C20orf203: variants seen among roughly 807,000 people sequenced by gnomAD.
C20orf203 encodes the protein chromosome 20 open reading frame 203.
A neutral mutation model predicts 15.9 loss-of-function variants in C20orf203; 16 were observed. That is an observed-to-expected ratio of 1.01 (90% confidence interval 0.68 to 1.53). The LOEUF (loss-of-function observed/expected upper bound fraction) is 1.53, where lower values mean the gene tolerates loss of function less well. C20orf203 is among the 40% of genes most tolerant of loss of function. The pLI is 0.00. For synonymous variants in C20orf203, 98 were observed against 97.2 expected (o/e 1.01, Z -0.05); for missense variants, 263 against 247.5 (o/e 1.06, Z -0.42).
At chr20:32,652,851 C>T (rs1288275765) in intron 1 of C20orf203, among the ~76,000 whole-genome samples, 2 of 152,058 alleles carry the variant, frequency 1.3e-5, no homozygotes, top group Non-Finnish European at 2.9e-5. Flanking sequence ...CTGCTGGCCC[C>T]GATGTTGCAA....
In C20orf203 at chr20:32,650,297, T is replaced by G; in HGVS notation, c.*135A>C. 3.0e-6 allele frequency: 2 copies of G among 660,746 alleles called. No individual in the cohort carries two copies. Among genetic ancestry groups the G allele is most frequent in the Non-Finnish European group, 5.2e-6 (2 of 380,964 alleles). 40.9% of individuals were successfully genotyped at this position (660,746 alleles called of 1,614,324 possible). A position where few individuals can be genotyped will look rare whatever the true frequency, so the allele number is the denominator to read the frequency against. On this transcript the variant is annotated 3_prime_UTR_variant, in exon 4 of 6. Transcript: ENST00000608990. ...CCCAGAATCTCCTTGAGGTTTCAGC[T>G]GGGCGTGCCGGGCCCATCCCCCACT...
chr20:32,638,982 C>T (rs1479468803), intron 5 of C20orf203, among the ~76,000 whole-genome samples: 1 of 152,234 alleles, frequency 6.6e-6, no homozygotes, highest in Non-Finnish European at 1.5e-5. Flanking sequence ...CAACAAGTTC[C>T]AACAGGGAAA....
chr20:32,671,840 CAAA>C (rs869043468), intron 1 of C20orf203, among the ~76,000 whole-genome samples: 282 of 66,302 alleles, frequency 4.3e-3, no homozygotes, highest in African/African-American at 0.017. Flanking sequence ...ACTCTGTCTC[CAAA>C]AAAAAAAAAA....
chr20:32,664,715 G>A (rs1357279536), intron 1 of C20orf203, among the ~76,000 whole-genome samples: 1 of 152,150 alleles, frequency 6.6e-6, no homozygotes, highest in Admixed American at 6.5e-5. Flanking sequence ...GAGGCCACAC[G>A]CTGCCACCCA....
Position 32,662,928 on chromosome 20 carries a change from T to TAG in C20orf203, c.-264+10703_-264+10704insCT, listed in dbSNP as rs1555817817. On this transcript the variant is annotated intron_variant, in intron 1 of 5. Coordinates refer to ENST00000608990, the MANE Select transcript of C20orf203 (RefSeq NM_182584.4). ...AGAAAGGAACAGCTAGATATATATA[T>TAG]ATAGATAGATAGATATAAATATAGT... 8.6e-3 allele frequency among the ~76,000 whole-genome samples: 1,226 copies of TAG among 141,924 alleles called. 28 individuals are homozygous for TAG. Among genetic ancestry groups the TAG allele is most frequent in the African/African-American group, 0.031 (1,179 of 37,712 alleles). 93.1% of individuals were successfully genotyped at this position (141,924 alleles called of 152,430 possible).
rs1247843185 is a variant in C20orf203, at chr20:32,632,809, C to T, written c.*2761G>A. 2.6e-5 allele frequency: 4 copies of T among 152,104 alleles called. No homozygotes were observed. Among genetic ancestry groups the T allele is most frequent in the South Asian group, 2.1e-4 (1 of 4,820 alleles). 9.4% of individuals were successfully genotyped at this position (152,104 alleles called of 1,614,324 possible). A position where few individuals can be genotyped will look rare whatever the true frequency, so the allele number is the denominator to read the frequency against. On this transcript the variant is annotated 3_prime_UTR_variant, in exon 6 of 6. Transcript: ENST00000608990. The stretch of plus-strand genomic sequence containing the variant: ...GTTAGAGATGAGGAAACCAGGGTGA[C>T]GGGATTAGTCTGTTCTCACGCTGCT...
intron 1 of C20orf203, among the ~76,000 whole-genome samples, chr20:32,654,836 C>A (rs903086948): frequency 6.6e-6 from 1 of 152,012 alleles, no homozygotes; most frequent in African/African-American, 2.4e-5. Flanking sequence ...ACAGCAAGAT[C>A]CTTCCCCAAA....
At chr20:32,636,284 C>A (rs1045932877) in intron 5 of C20orf203, among the ~76,000 whole-genome samples, 2 of 152,206 alleles carry the variant, frequency 1.3e-5, no homozygotes, top group East Asian at 3.9e-4. Context: ...AATGAACACC[C>A]TTCGCTTAGA....
intron 4 of C20orf203, among the ~76,000 whole-genome samples, chr20:32,642,668 AG>A (rs959178534): frequency 6.6e-6 from 1 of 152,060 alleles, no homozygotes; most frequent in Non-Finnish European, 1.5e-5. Context: ...GGGGCTTGTA[AG>A]GGGGGCAGCT....
At chr20:32,648,428 C>CTTTTTTTTTTT (rs56838832) in intron 4 of C20orf203, among the ~76,000 whole-genome samples, 2 of 80,332 alleles carry the variant, frequency 2.5e-5, no homozygotes, top group African/African-American at 9.9e-5. Context: ...CTGAAACTGT[C>CTTTTTTTTTTT]TTTTTTTTTT....
At chr20:32,654,141 G>T (rs569229286) in intron 1 of C20orf203, among the ~76,000 whole-genome samples, 3 of 151,174 alleles carry the variant, frequency 2.0e-5, no homozygotes, top group Admixed American at 1.3e-4. Context: ...ACTAATAATT[G>T]GGTTTGGCAA....
chr20:32,650,333 G>C lies in C20orf203; in HGVS notation c.*99C>G. On this transcript the variant is annotated 3_prime_UTR_variant, in exon 4 of 6. Transcript: ENST00000608990. ...GGCCCATCCCCCACTCTGGGGAGCAGAATGATTGTGGGGGGTGGTAACAGG... is the reference window on the plus strand; with the variant it reads ...GGCCCATCCCCCACTCTGGGGAGCACAATGATTGTGGGGGGTGGTAACAGG... The C allele has an allele frequency of 2.3e-6, 2 of 865,166 alleles. 1 individual carries two copies. Among genetic ancestry groups the C allele is most frequent in the Non-Finnish European group, 3.6e-6 (2 of 550,820 alleles). 53.6% of individuals were successfully genotyped at this position (865,166 alleles called of 1,614,324 possible). A position where few individuals can be genotyped will look rare whatever the true frequency, so the allele number is the denominator to read the frequency against.
At chr20:32,654,782 T>C (rs1261340154) in intron 1 of C20orf203, among the ~76,000 whole-genome samples, 2 of 152,160 alleles carry the variant, frequency 1.3e-5, no homozygotes, top group Non-Finnish European at 2.9e-5. Flanking sequence ...AGGTAGAGAT[T>C]GCAGTGAACC....
rs1872804936 is a variant in C20orf203, at chr20:32,634,043, G to C, written c.*1527C>G. 2.5e-6 allele frequency: 1 copy of C among 398,558 alleles called. No individual in the cohort carries two copies. Among genetic ancestry groups the C allele is most frequent in the Non-Finnish European group, 4.4e-6 (1 of 226,116 alleles). 24.7% of individuals were successfully genotyped at this position (398,558 alleles called of 1,614,324 possible). ...CATTGACTGAAATTGAAATGAGCCAGTTCTACCCCGGTGTTGGGAATTCCG... is the reference window on the plus strand; with the variant it reads ...CATTGACTGAAATTGAAATGAGCCACTTCTACCCCGGTGTTGGGAATTCCG... On this transcript the variant is annotated 3_prime_UTR_variant, in exon 6 of 6. Coordinates refer to ENST00000608990, the MANE Select transcript of C20orf203 (RefSeq NM_182584.4).
At position 32,650,889 on chromosome 20, in the gene C20orf203, G is replaced by T. The variant is rs865848307; in HGVS notation, c.136-8C>A. The T allele has an allele frequency of 3.5e-5, 50 of 1,446,298 alleles. 1 individual carries two copies. In the Middle Eastern group the frequency reaches 6.0e-3, roughly 173 times the overall value. 89.6% of individuals were successfully genotyped at this position (1,446,298 alleles called of 1,614,324 possible). On this transcript the variant is annotated splice_polypyrimidine_tract_variant and splice_region_variant and intron_variant, in intron 3 of 5. Coordinates refer to ENST00000608990, the MANE Select transcript of C20orf203 (RefSeq NM_182584.4). ...AGCCAAGACTGATGTGGCCTGTTGGGAACAAGGCCCCCAAGAAGATCATAG... is the reference window on the plus strand; with the variant it reads ...AGCCAAGACTGATGTGGCCTGTTGGTAACAAGGCCCCCAAGAAGATCATAG...
intron 1 of C20orf203, among the ~76,000 whole-genome samples, chr20:32,659,443 C>T (rs1982839552): frequency 6.6e-6 from 1 of 152,208 alleles, no homozygotes; most frequent in Admixed American, 6.5e-5. Context: ...GGTGATGTAC[C>T]TGATTCATTT....
chr20:32,632,530 G>C lies in C20orf203; in HGVS notation c.*3040C>G, dbSNP rs1047730440. 12 of 152,256 alleles carry C rather than the reference G, an allele frequency of 7.9e-5. No homozygotes were observed. The highest frequency in any genetic ancestry group is 2.6e-4 in the African/African-American group (11 of 41,522). 9.4% of individuals were successfully genotyped at this position (152,256 alleles called of 1,614,324 possible). ...GCACGTGTGTTCCTGCCCCCTCCTT[G>C]GTACTAACAGAAGCGCTCCCCACAA... On this transcript the variant is annotated 3_prime_UTR_variant, in exon 6 of 6. Coordinates refer to ENST00000608990, the MANE Select transcript of C20orf203 (RefSeq NM_182584.4).
At position 32,650,700 on chromosome 20, in the gene C20orf203, TC is replaced by T. The variant is rs1568750079; in HGVS notation, c.316del (p.Glu106LysfsTer73). ...RIWVGGEGWGEVGGLRLSKVG... is the reference protein window; with the variant it reads ...RIWVGGEGWGXVGGLRLSKVG... Reference sequence around the variant, plus strand: ...CTTGCTGAGCCTGAGGCCTCCAACTTCCCCCCACCCCTCCCCACCAACCCAA... The same window carrying T: ...CTTGCTGAGCCTGAGGCCTCCAACTTCCCCCACCCCTCCCCACCAACCCAA... On this transcript the variant is annotated frameshift_variant, in exon 4 of 6. Transcript: ENST00000608990. LOFTEE classifies it high-confidence loss of function. 6.5e-7 allele frequency: 1 copy of T among 1,547,506 alleles called. No individual in the cohort carries two copies. Among genetic ancestry groups the T allele is most frequent in the Non-Finnish European group, 8.7e-7 (1 of 1,145,388 alleles).
chr20:32,666,797 T>TTTTATACATA (rs367964394), intron 1 of C20orf203, among the ~76,000 whole-genome samples: 2 of 65,594 alleles, frequency 3.0e-5, no homozygotes, highest in South Asian at 7.0e-4. Flanking sequence ...TAATTTTAAT[T>TTTTATACATA]TATATATATA....
Sources: allele counts gnomAD v4.1 joint callset (sites outside exome capture counted in the v4.1 genomes callset), GRCh38; gene constraint gnomAD v4.1.1; transcripts MANE v1.5; gene names NCBI Gene and HGNC (gene_info 2026-07-23, HGNC 2026-07-21).